NF1: variants seen among roughly 807,000 people sequenced by gnomAD.
NF1 encodes neurofibromin 1.
A neutral mutation model predicts 325.7 loss-of-function variants in NF1; 122 were observed. The observed-to-expected ratio is 0.37, with a 90% confidence interval of 0.32 to 0.44. The LOEUF (loss-of-function observed/expected upper bound fraction) is 0.44, where lower values mean the gene tolerates loss of function less well. Ranked by LOEUF, NF1 falls within the 20% of genes least tolerant of loss-of-function variation. The pLI, the probability that NF1 is intolerant of heterozygous loss-of-function variation, is 1.00. For missense variants in NF1, 2,140 were observed against 3,415.4 expected (o/e 0.63, Z 9.31); for synonymous variants, 1,091 against 1,186.0 (o/e 0.92, Z 1.65).
intron 36 of NF1, among the ~76,000 whole-genome samples, chr17:31,275,680 T>A (rs1270304161): frequency 6.6e-6 from 1 of 152,156 alleles, no homozygotes; most frequent in Non-Finnish European, 1.5e-5. Flanking sequence ...CATTCAAAAT[T>A]GTGTTGTTTC....
At chr17:31,180,412 C>T (rs1005022683) in intron 5 of NF1, among the ~76,000 whole-genome samples, 2 of 152,192 alleles carry the variant, frequency 1.3e-5, no homozygotes, top group Non-Finnish European at 2.9e-5. Context: ...AAGTTGGCTT[C>T]ATCCCTGGGA....
At chr17:31,186,988 G>A (rs1317999960) in intron 8 of NF1, among the ~76,000 whole-genome samples, 2 of 152,176 alleles carry the variant, frequency 1.3e-5, no homozygotes, top group Non-Finnish European at 2.9e-5. Context: ...CACGGAAAGG[G>A]CAGAGATTTG....
intron 10 of NF1, 77 bp downstream of exon 10, chr17:31,201,236 A>C: frequency 1.3e-6 from 2 of 1,575,684 alleles, no homozygotes; most frequent in Non-Finnish European, 8.7e-7. Context: ...ATAGAGATTA[A>C]TAGGTTCACT....
intron 5 of NF1, among the ~76,000 whole-genome samples, chr17:31,179,990 G>A (rs908305030): frequency 1.3e-5 from 2 of 152,132 alleles, no homozygotes; most frequent in Non-Finnish European, 2.9e-5. Flanking sequence ...AAATAAACTA[G>A]AAAATCTAGC....
At chr17:31,260,565 G>A (rs1235072325) in intron 34 of NF1, 50 bp downstream of exon 34, 2 of 1,595,604 alleles carry the variant, frequency 1.3e-6, no homozygotes, top group Non-Finnish European at 1.7e-6. Flanking sequence ...TTTAAATTTA[G>A]ATTAATACAA....
chr17:31,204,152 A>G (rs1306325983), intron 11 of NF1, among the ~76,000 whole-genome samples: 1 of 152,114 alleles, frequency 6.6e-6, no homozygotes, highest in African/African-American at 2.4e-5. Flanking sequence ...AAAAAGTAAT[A>G]TACACACTTA....
rs369803831 is a variant in NF1, at chr17:31,337,841, C to T, written c.6665C>T (p.Thr2222Met). The change falls in exon 44 of 58, where the codon ACG (threonine) becomes ATG (methionine). Residue 2222 changes from threonine to methionine, a missense_variant. Thr to Met is a moderately conservative substitution (Grantham distance 81). Transcript: ENST00000358273. ...IMEACMRDIP[T>M]CKWLDQWTEL... ...TAGGCATGCATGAGAGATATTCCAA[C>T]GTGCAAGTGGCTGGACCAGTGGACA... is the stretch of plus-strand genomic sequence containing the variant. 24 of 1,613,822 alleles carry T rather than the reference C, an allele frequency of 1.5e-5. 1 individual carries two copies. Among genetic ancestry groups the T allele is most frequent in the Middle Eastern group, 3.3e-4 (2 of 6,082 alleles).
intron 1 of NF1, among the ~76,000 whole-genome samples, chr17:31,111,072 C>G (rs1913364448): frequency 6.6e-6 from 1 of 152,000 alleles, no homozygotes; most frequent in Non-Finnish European, 1.5e-5. Flanking sequence ...ACCACCATCA[C>G]AAACCCCCCC....
chr17:31,340,726 A>G (rs1185752964), intron 47 of NF1, 81 bp downstream of exon 47: 22 of 1,440,240 alleles, frequency 1.5e-5, no homozygotes, highest in Admixed American at 1.8e-5. Flanking sequence ...TTCTTTTAAA[A>G]TCACAAGAAG....
At chr17:31,222,498 C>T (rs1051906389) in intron 15 of NF1, 1 of 1,028,284 alleles carries the variant, frequency 9.7e-7, no homozygotes, top group Middle Eastern at 4.6e-4. Context: ...TTGCCATTAT[C>T]TTATAAGAAT....
chr17:31,263,212 A>G (rs1401573212), intron 35 of NF1, among the ~76,000 whole-genome samples: 1 of 152,030 alleles, frequency 6.6e-6, no homozygotes, highest in Non-Finnish European at 1.5e-5. Context: ...AGGCCAAGGC[A>G]GGAGGATTGC....
At chr17:31,212,031 T>A (rs1016473063) in intron 12 of NF1, among the ~76,000 whole-genome samples, 42 of 152,288 alleles carry the variant, frequency 2.8e-4, no homozygotes, top group Non-Finnish European at 5.0e-4. Context: ...AACTTTTAAA[T>A]TTTTTAATTT....
At chr17:31,145,575 A>G (rs1269210468) in intron 1 of NF1, among the ~76,000 whole-genome samples, 1 of 152,002 alleles carries the variant, frequency 6.6e-6, no homozygotes, top group African/African-American at 2.4e-5. Context: ...ACCTTATCTG[A>G]TAAATTCTTG....
intron 57 of NF1, among the ~76,000 whole-genome samples, chr17:31,363,391 G>A (rs1452252629): frequency 6.7e-6 from 1 of 149,140 alleles, no homozygotes; most frequent in East Asian, 2.0e-4. Context: ...TAGGTATATT[G>A]CTTCATATCT....
chr17:31,290,036 C>A (rs2068315956), intron 36 of NF1, among the ~76,000 whole-genome samples: 2 of 152,054 alleles, frequency 1.3e-5, no homozygotes, highest in South Asian at 2.1e-4. Context: ...TGTAAACATT[C>A]TTTTTATGTC....
At chr17:31,251,970 A>C in intron 30 of NF1, 1 of 214,766 alleles carries the variant, frequency 4.7e-6, no homozygotes, top group Non-Finnish European at 9.4e-6. Flanking sequence ...AATAATTCTA[A>C]CATGGTTTTA....
intron 36 of NF1, chr17:31,299,513 A>G (rs1021305303): frequency 1.3e-5 from 2 of 152,044 alleles, no homozygotes; most frequent in African/African-American, 2.4e-5. Flanking sequence ...GTCCTAGGAT[A>G]TATTACCCCA....
rs757632129 is a variant in NF1, at chr17:31,356,963, C to T, written c.7742C>T (p.Thr2581Ile). Residue 2581 changes from threonine to isoleucine, a missense_variant, in exon 53 of 58, where the codon ACT becomes ATT. By Grantham distance (89) the Thr-to-Ile change is moderately conservative. Around this residue, in one of 10 missense-constraint regions of NF1, gnomAD observed 522 missense variants for 749.0 expected, o/e 0.70. Coordinates refer to ENST00000358273, the MANE Select transcript of NF1 (RefSeq NM_001042492.3). ...TTAATTCCCTATCTTGCTGCAGAAA[C>T]TCAGAGGATTTCCTCATCACAACAG... ...RVAETDYEMETQRISSSQQHP... is the reference protein window; with the variant it reads ...RVAETDYEMEIQRISSSQQHP... 6.2e-7 allele frequency: 1 copy of T among 1,613,858 alleles called. No individual in the cohort carries two copies.
rs776602307 is a variant in NF1, at chr17:31,357,031, C to G, written c.7810C>G (p.Leu2604Val). The part of the protein sequence containing the change: ...RKVSVSESNV[L>V]LDEEVLTDPK... ...AGTTTCAGTGTCTGAATCAAATGTT[C>G]TCTTGGATGAAGAAGTACTTACTGA... Residue 2604 changes from leucine (L) to valine (V), a missense_variant, in exon 53 of 58, where the codon CTC becomes GTC. Leu to Val is a conservative substitution (Grantham distance 32). Around this residue, in one of 10 missense-constraint regions of NF1, gnomAD observed 522 missense variants for 749.0 expected, o/e 0.70. Transcript: ENST00000358273. The G allele has an allele frequency of 1.5e-5, 25 of 1,613,850 alleles. No individual in the cohort carries two copies. Among genetic ancestry groups the G allele is most frequent in the Non-Finnish European group, 1.9e-5 (22 of 1,179,946 alleles).
Sources: gnomAD v4.1 joint callset for allele counts (sites outside exome capture counted in the v4.1 genomes callset) on GRCh38, gnomAD v4.1.1 for gene constraint, gnomAD v4.1.1 regional missense constraint, MANE v1.5 for transcripts, NCBI Gene and HGNC (gene_info 2026-07-23, HGNC 2026-07-21) for gene names.